Variants in DEPDC5 observed in about 807,000 individuals in gnomAD.
The protein encoded by DEPDC5 is DEP domain containing 5, GATOR1 subcomplex subunit, also known as GATOR1 complex protein DEPDC5.
Under a neutral mutation model 217.3 loss-of-function variants are expected in DEPDC5, and 73 were observed. The observed-to-expected ratio is 0.34, with a 90% CI of 0.28 to 0.41. The LOEUF is 0.41. Among genes scored for constraint, DEPDC5 ranks in the 10% least tolerant of loss-of-function variants. DEPDC5 has a pLI of 1.00. For synonymous variants in DEPDC5, 733 were observed against 756.7 expected (o/e 0.97, Z 0.51); for missense variants, 1,675 against 2,070.1 (o/e 0.81, Z 3.70).
rs1229311796 is a variant in DEPDC5, at chr22:31,906,318, G to A, written c.4633G>A (p.Gly1545Ser). Residue 1545 changes from glycine (G) to serine (S), a missense_variant, in exon 43 of 43, where the codon GGC becomes AGC. Physicochemically the swap from Gly to Ser is moderately conservative, Grantham distance 56. Coordinates refer to ENST00000651528, the MANE Select transcript of DEPDC5 (RefSeq NM_001242896.3). This position sits in a 1 kb window ranked among gnomAD's most constrained non-coding sequence, Gnocchi z 5.1. ...GAACATGTTCTGCGAGGAGCGGGTC[G>A]GCTACAACTGGGCCTACAACACCAT... ...NQNMFCEERV[G>S]YNWAYNTMLT... 9.9e-6 allele frequency: 16 copies of A among 1,613,954 alleles called. No individual in the cohort carries two copies. The highest frequency in any genetic ancestry group is 3.3e-5 in the Admixed American group (2 of 60,030).
intron 21 of DEPDC5, chr22:31,815,527 G>A (rs1047823745): frequency 4.7e-6 from 3 of 637,626 alleles, no homozygotes; most frequent in East Asian, 2.8e-5. Context: ...TGGGACTATA[G>A]CATGCCACCA....
chr22:31,839,148 A>G (rs554587236), intron 27 of DEPDC5, among the ~76,000 whole-genome samples: 9 of 152,338 alleles, frequency 5.9e-5, no homozygotes, highest in East Asian at 3.9e-4. Context: ...TGAGCTGTCA[A>G]CGTTTCTAAA....
rs751358817 is a variant in DEPDC5 at position 31,845,256 on chromosome 22, CA to C, written c.3021+20del. 2.5e-6 allele frequency: 4 copies of C among 1,605,748 alleles called. No individual in the cohort carries two copies. Among genetic ancestry groups the C allele is most frequent in the Non-Finnish European group, 3.4e-6 (4 of 1,176,184 alleles). ...GATGCGGGTAAGGGCTCCTTAGACTCAGGGAGTGCGCCTGGTGTGAGATGCA... is the reference window on the plus strand; with the variant it reads ...GATGCGGGTAAGGGCTCCTTAGACTCGGGAGTGCGCCTGGTGTGAGATGCA... On this transcript the variant is annotated intron_variant, in intron 30 of 42. Coordinates refer to ENST00000651528, the MANE Select transcript of DEPDC5 (RefSeq NM_001242896.3).
chr22:31,765,166 T>A (rs2082707993), intron 5 of DEPDC5, 106 bp downstream of exon 5: 2 of 870,220 alleles, frequency 2.3e-6, no homozygotes, highest in African/African-American at 1.7e-5. Flanking sequence ...GTTAGCCTAT[T>A]AAATGTGTGG....
At chr22:31,803,493 T>G (rs1365095869) in intron 15 of DEPDC5, among the ~76,000 whole-genome samples, 2 of 152,122 alleles carry the variant, frequency 1.3e-5, no homozygotes, top group East Asian at 3.9e-4. Context: ...ATTGCAGGCA[T>G]GAGCCACCAC....
chr22:31,834,706 G>A (rs1407948222), intron 25 of DEPDC5, among the ~76,000 whole-genome samples: 1 of 151,860 alleles, frequency 6.6e-6, no homozygotes, highest in Non-Finnish European at 1.5e-5. Context: ...TAGTAGAGAC[G>A]GGGTTTCACC....
chr22:31,904,911 C>T (rs2093729667), intron 41 of DEPDC5, among the ~76,000 whole-genome samples: 1 of 152,206 alleles, frequency 6.6e-6, no homozygotes, highest in African/African-American at 2.4e-5. Flanking sequence ...AACACAGCAC[C>T]TCCCCAAGGA....
chr22:31,793,355 T>A (rs1279504683), intron 12 of DEPDC5, among the ~76,000 whole-genome samples: 1 of 152,080 alleles, frequency 6.6e-6, no homozygotes, highest in Non-Finnish European at 1.5e-5. Context: ...TTGTGAAAAA[T>A]TTCAACATTC....
chr22:31,802,921 A>G, intron 15 of DEPDC5, 83 bp downstream of exon 15: 2 of 1,456,256 alleles, frequency 1.4e-6, no homozygotes, highest in Non-Finnish European at 1.8e-6. Flanking sequence ...CTGACTTCTT[A>G]GAGTGTGAGG....
intron 25 of DEPDC5, chr22:31,834,305 G>A (rs537199184): frequency 3.3e-6 from 1 of 302,326 alleles, no homozygotes; most frequent in East Asian, 5.8e-5. Flanking sequence ...AAGTTGGAAA[G>A]ACATAATAGG....
intron 41 of DEPDC5, among the ~76,000 whole-genome samples, chr22:31,902,347 C>G (rs2149422794): frequency 6.7e-6 from 1 of 149,426 alleles, no homozygotes; most frequent in South Asian, 2.1e-4. Flanking sequence ...AAACAAAGCC[C>G]CTTGTTCTTG....
intron 24 of DEPDC5, among the ~76,000 whole-genome samples, chr22:31,827,892 G>A (rs1376805582): frequency 1.3e-5 from 2 of 152,080 alleles, no homozygotes; most frequent in East Asian, 1.9e-4. Context: ...ACTATTAATA[G>A]TGTCCCCTTC....
chr22:31,803,296 C>T (rs1391767402), intron 15 of DEPDC5, among the ~76,000 whole-genome samples: 4 of 151,894 alleles, frequency 2.6e-5, no homozygotes, highest in African/African-American at 4.8e-5. Flanking sequence ...CTGCAAGCTC[C>T]GCCTCCTGGG....
At chr22:31,868,309 A>G (rs181663604) in intron 33 of DEPDC5, among the ~76,000 whole-genome samples, 1 of 152,232 alleles carries the variant, frequency 6.6e-6, no homozygotes, top group African/African-American at 2.4e-5. Flanking sequence ...AGTGGGTAGA[A>G]GCCAGGGATG....
intron 36 of DEPDC5, 69 bp from the exon 37 acceptor site, chr22:31,876,088 G>A: frequency 7.0e-7 from 1 of 1,433,062 alleles, no homozygotes; most frequent in Non-Finnish European, 9.8e-7. Context: ...TGTCTCCAGA[G>A]CATGACTGAG....
At chr22:31,763,284 C>T (rs1007278651) in intron 4 of DEPDC5, among the ~76,000 whole-genome samples, 5 of 152,002 alleles carry the variant, frequency 3.3e-5, no homozygotes, top group East Asian at 1.9e-4. Flanking sequence ...CCACCATGCC[C>T]GGCCTAATTT....
At chr22:31,849,067 A>G (rs1343765480) in intron 31 of DEPDC5, among the ~76,000 whole-genome samples, 1 of 152,164 alleles carries the variant, frequency 6.6e-6, no homozygotes, top group East Asian at 1.9e-4. Flanking sequence ...CCATTCAACA[A>G]GTCTCTAGGA....
At chr22:31,847,684 C>T (rs1330084861) in intron 31 of DEPDC5, among the ~76,000 whole-genome samples, 2 of 152,180 alleles carry the variant, frequency 1.3e-5, no homozygotes, top group African/African-American at 4.8e-5. Context: ...CATCCCATGA[C>T]ACGTGGGGAT....
intron 40 of DEPDC5, among the ~76,000 whole-genome samples, chr22:31,898,567 C>A (rs530467548): frequency 6.6e-6 from 1 of 152,200 alleles, no homozygotes; most frequent in African/African-American, 2.4e-5. Flanking sequence ...TCTTCTTGTC[C>A]CCTTGTAAGT....
Sources: gnomAD v4.1 joint callset for allele counts (sites outside exome capture counted in the v4.1 genomes callset) on GRCh38, gnomAD v4.1.1 for gene constraint, Gnocchi (gnomAD v3.1) non-coding constraint, MANE v1.5 for transcripts, NCBI Gene and HGNC (gene_info 2026-07-23, HGNC 2026-07-21) for gene names.